FAM184A: variants seen among roughly 807,000 people sequenced by gnomAD.
The protein encoded by FAM184A is protein FAM184A.
FAM184A carries 99 observed loss-of-function variants against 143.8 expected under a neutral mutation model. The ratio of observed to expected loss-of-function variants is 0.69; its 90% CI spans 0.58 to 0.81. The LOEUF (loss-of-function observed/expected upper bound fraction) is 0.81. Ranked by LOEUF, FAM184A falls within the 40% of genes least tolerant of loss-of-function variation. The probability of loss-of-function intolerance (pLI) is 0.00; values close to 1 mark genes in which losing one functional copy is unlikely to be tolerated. For missense variants in FAM184A, 1,217 were observed against 1,310.5 expected, an observed-to-expected ratio of 0.93 and a Z score of 1.10; for synonymous variants, 427 against 446.4, an observed-to-expected ratio of 0.96 and a Z score of 0.55.
intron 9 of FAM184A, 81 bp downstream of exon 9, chr6:119,002,818 A>G: frequency 7.9e-7 from 1 of 1,263,156 alleles, no homozygotes; most frequent in South Asian, 1.8e-5. Context: ...AATTCAGTGA[A>G]TTAACAGAGT....
intron 5 of FAM184A, among the ~76,000 whole-genome samples, chr6:119,011,741 C>A (rs1562472510): frequency 6.6e-6 from 1 of 152,092 alleles, no homozygotes; most frequent in East Asian, 1.9e-4. Context: ...ATTCAAAATT[C>A]TTTTTTTCCC....
At chr6:119,034,039 TATAGAGAGAG>T (rs1203902557) in intron 1 of FAM184A, among the ~76,000 whole-genome samples, 213 of 30,272 alleles carry the variant, frequency 7.0e-3, no homozygotes, top group South Asian at 0.018. Flanking sequence ...TATATATATA[TATAGAGAGAG>T]AGAGAGAGAG....
intron 9 of FAM184A, among the ~76,000 whole-genome samples, chr6:118,981,483 G>A (rs1273176374): frequency 2.0e-5 from 3 of 152,124 alleles, no homozygotes; most frequent in Non-Finnish European, 2.9e-5. Context: ...TTTTGTAAAT[G>A]GGAAAATACT....
chr6:118,991,267 A>T (rs965836138), intron 9 of FAM184A, among the ~76,000 whole-genome samples: 10 of 151,550 alleles, frequency 6.6e-5, no homozygotes, highest in Admixed American at 1.3e-4. Flanking sequence ...GATTGAAGCA[A>T]TTTTCCTGCC....
chr6:119,018,908 T>C (rs1347592730), intron 4 of FAM184A, among the ~76,000 whole-genome samples: 1 of 152,018 alleles, frequency 6.6e-6, no homozygotes. Flanking sequence ...AGTGGTGCTA[T>C]TGGTTGAAAT....
At chr6:119,011,151 G>C (rs918697640) in intron 6 of FAM184A, 158 bp downstream of exon 6, 3 of 575,216 alleles carry the variant, frequency 5.2e-6, no homozygotes, top group African/African-American at 2.0e-5. Context: ...AACATAATCA[G>C]AGTGTCATGA....
chr6:119,056,642 T>G (rs145994513), intron 1 of FAM184A, among the ~76,000 whole-genome samples: 1 of 152,318 alleles, frequency 6.6e-6, no homozygotes, highest in Non-Finnish European at 1.5e-5. Flanking sequence ...GGAACTTCCT[T>G]TCCAAAGTGA....
intron 9 of FAM184A, among the ~76,000 whole-genome samples, chr6:118,985,870 CTT>C (rs762888863): frequency 2.0e-5 from 3 of 152,168 alleles, no homozygotes; most frequent in African/African-American, 4.8e-5. Flanking sequence ...GTAGGAATAA[CTT>C]ATTATTATGC....
intron 1 of FAM184A, among the ~76,000 whole-genome samples, chr6:119,084,164 A>T (rs191492965): frequency 1.0e-3 from 155 of 152,304 alleles, no homozygotes; most frequent in African/African-American, 3.6e-3. Context: ...ACTCGCTATC[A>T]TGAGAATAGC....
intron 14 of FAM184A, 90 bp downstream of exon 14, chr6:118,974,338 T>A: frequency 8.0e-7 from 1 of 1,248,728 alleles, no homozygotes; most frequent in Non-Finnish European, 1.1e-6. Flanking sequence ...TCCTTTTTAT[T>A]AGAGTCAAAA....
At chr6:119,053,901 T>C (rs991349626) in intron 1 of FAM184A, among the ~76,000 whole-genome samples, 11 of 152,232 alleles carry the variant, frequency 7.2e-5, no homozygotes, top group African/African-American at 2.4e-4. Flanking sequence ...TTGTTTCCTA[T>C]GGTGATAAAC....
At chr6:119,058,274 C>A (rs1787085289) in intron 1 of FAM184A, among the ~76,000 whole-genome samples, 1 of 150,190 alleles carries the variant, frequency 6.7e-6, no homozygotes, top group Non-Finnish European at 1.5e-5. Flanking sequence ...ACCTGTACCT[C>A]CAGGGTTCAA....
intron 1 of FAM184A, among the ~76,000 whole-genome samples, chr6:119,136,449 A>G (rs1181972668): frequency 1.3e-5 from 2 of 152,192 alleles, no homozygotes; most frequent in Non-Finnish European, 2.9e-5. Context: ...AAGATAATTT[A>G]TTGGCATTAA....
chr6:119,037,038 G>C (rs558845694), intron 1 of FAM184A, among the ~76,000 whole-genome samples: 6 of 152,304 alleles, frequency 3.9e-5, no homozygotes, highest in African/African-American at 1.2e-4. Flanking sequence ...TGGACACTGA[G>C]AGAATGAGTG....
chr6:119,067,949 G>A (rs1196894436), intron 1 of FAM184A, among the ~76,000 whole-genome samples: 1 of 151,880 alleles, frequency 6.6e-6, no homozygotes, highest in Non-Finnish European at 1.5e-5. Flanking sequence ...TCCAGCCTGG[G>A]CAACATAGCC....
intron 5 of FAM184A, among the ~76,000 whole-genome samples, chr6:119,016,164 G>A (rs1785244214): frequency 6.6e-6 from 1 of 152,176 alleles, no homozygotes; most frequent in Non-Finnish European, 1.5e-5. Flanking sequence ...CTCAGGGATT[G>A]TAAATGCACC....
chr6:118,990,814 C>A (rs929182676), intron 9 of FAM184A, among the ~76,000 whole-genome samples: 1 of 151,956 alleles, frequency 6.6e-6, no homozygotes, highest in African/African-American at 2.4e-5. Flanking sequence ...TAGTTTGAAC[C>A]GAGAGGCGAG....
At chr6:119,056,331 A>C (rs372589755) in intron 1 of FAM184A, among the ~76,000 whole-genome samples, 5 of 152,286 alleles carry the variant, frequency 3.3e-5, no homozygotes, top group East Asian at 1.9e-4. Flanking sequence ...ATGAAGAAGA[A>C]GATTAATTAG....
chr6:119,100,605 A>C (rs1788613936), intron 1 of FAM184A, among the ~76,000 whole-genome samples: 1 of 152,048 alleles, frequency 6.6e-6, no homozygotes, highest in East Asian at 1.9e-4. Context: ...TAAAGCCAAT[A>C]GCTAGTTTAG....
Sources: gnomAD v4.1 joint callset for allele counts (sites outside exome capture counted in the v4.1 genomes callset) on GRCh38, gnomAD v4.1.1 for gene constraint, MANE v1.5 for transcripts, NCBI Gene and HGNC (gene_info 2026-07-23, HGNC 2026-07-21) for gene names.